Variants in SHISA6 observed in about 807,000 individuals in gnomAD.
SHISA6 encodes protein shisa-6.
A neutral mutation model predicts 47.9 loss-of-function variants in SHISA6; 22 were observed. The ratio of observed to expected loss-of-function variants is 0.46; its 90% CI spans 0.33 to 0.66. The LOEUF (loss-of-function observed/expected upper bound fraction) is 0.66, where lower values mean the gene tolerates loss of function less well. Among genes scored for constraint, SHISA6 ranks in the 30% least tolerant of loss-of-function variants. SHISA6 has a pLI of 0.02. For synonymous variants in SHISA6, 388 were observed against 337.8 expected (o/e 1.15, Z -1.63); for missense variants, 680 against 764.6 (o/e 0.89, Z 1.30).
In SHISA6 at chr17:11,400,999, C is replaced by A. The variant is rs79260068; in HGVS notation, c.895+21490C>A. 8.5e-3 allele frequency among the ~76,000 whole-genome samples: 1,289 copies of A among 152,220 alleles called. 2 individuals are homozygous for A. Among genetic ancestry groups the A allele is most frequent in the Non-Finnish European group, 0.014 (955 of 68,020 alleles). On this transcript the variant is annotated intron_variant, in intron 3 of 5. Coordinates refer to ENST00000441885, the MANE Select transcript of SHISA6 (RefSeq NM_207386.4). Reference sequence around the variant, plus strand: ...CTCCTAGTCTTTAAACTGTTTGTTGCTTTATAATGTTGTTTAGTTATTTTT... The same window carrying A: ...CTCCTAGTCTTTAAACTGTTTGTTGATTTATAATGTTGTTTAGTTATTTTT...
chr17:11,543,036 G>A (rs895761808), intron 3 of SHISA6, among the ~76,000 whole-genome samples: 1 of 152,122 alleles, frequency 6.6e-6, no homozygotes, highest in Non-Finnish European at 1.5e-5. Context: ...GATCTCATTA[G>A]AAGAAACAGT....
chr17:11,532,741 T>A (rs976966200), intron 3 of SHISA6, among the ~76,000 whole-genome samples: 9 of 8,568 alleles, frequency 1.1e-3, no homozygotes, highest in African/African-American at 1.9e-3. Flanking sequence ...TATCAGGGCT[T>A]TTTTTTTTTT....
chr17:11,241,641 G>T lies in SHISA6; in HGVS notation c.219G>T (p.Arg73=), dbSNP rs1342488224. 5 of 1,381,718 alleles carry T rather than the reference G, an allele frequency of 3.6e-6. No homozygotes were observed. The highest frequency in any genetic ancestry group is 1.5e-5 in the African/African-American group (1 of 65,516). The allele number at this position is 1,381,718 out of a possible 1,614,324, so 85.6% of individuals were successfully genotyped here. A position where few individuals can be genotyped will look rare whatever the true frequency, so the allele number is the denominator to read the frequency against. Residue 73 remains arginine, a synonymous_variant, in exon 1 of 6, where the codon CGG becomes CGT. Transcript: ENST00000441885. The surrounding 1 kb of genome is among the most constrained non-coding windows in gnomAD (Gnocchi z 5.5). ...CCGGAATCCCGGAGGCGGGAAGCCG[G>T]CGGGGGCAGCCCGCGGCGGCTGTGG... is the stretch of plus-strand genomic sequence containing the variant. The part of the protein sequence containing the change: ...RAPGIPEAGS[R]RGQPAAAVAA...
intron 2 of SHISA6, among the ~76,000 whole-genome samples, chr17:11,366,163 T>A (rs901910803): frequency 7.9e-5 from 12 of 152,226 alleles, no homozygotes; most frequent in African/African-American, 2.9e-4. Flanking sequence ...TATGTATATT[T>A]TTGAGACAAG....
Position 11,335,700 on chromosome 17 carries a change from C to T in SHISA6, c.800-43714C>T, listed in dbSNP as rs551004977. On this transcript the variant is annotated intron_variant, in intron 2 of 5. Coordinates refer to ENST00000441885, the MANE Select transcript of SHISA6 (RefSeq NM_207386.4). Reference sequence around the variant, plus strand: ...ATTTTCCCACGAATTATCAGGAGCCCGAGGTTCCAGCGAACATGGAGGAAA... The same window carrying T: ...ATTTTCCCACGAATTATCAGGAGCCTGAGGTTCCAGCGAACATGGAGGAAA... Among the ~76,000 whole-genome samples, 612 of 152,220 alleles carry T rather than the reference C, an allele frequency of 4.0e-3. 2 individuals carry two copies. Among genetic ancestry groups the T allele is most frequent in the Non-Finnish European group, 5.7e-3 (388 of 68,018 alleles).
chr17:11,252,313 C>T (rs995543430), intron 1 of SHISA6, among the ~76,000 whole-genome samples: 3 of 152,202 alleles, frequency 2.0e-5, no homozygotes, highest in African/African-American at 7.2e-5. Context: ...GTACTGTTCC[C>T]ATTAGCTTCG....
At chr17:11,432,600 A>AATAACTC (rs1305164153) in intron 3 of SHISA6, among the ~76,000 whole-genome samples, 3 of 152,216 alleles carry the variant, frequency 2.0e-5, no homozygotes, top group African/African-American at 7.2e-5. Flanking sequence ...GAGGACATAG[A>AATAACTC]ATAACTCATA....
intron 1 of SHISA6, among the ~76,000 whole-genome samples, chr17:11,252,421 A>G (rs1186962467): frequency 2.0e-5 from 3 of 152,056 alleles, no homozygotes; most frequent in Admixed American, 2.0e-4. Context: ...TTCCACCCAA[A>G]CAGCCACTTC....
intron 2 of SHISA6, among the ~76,000 whole-genome samples, chr17:11,316,416 TCTC>T (rs1366504577): frequency 2.0e-3 from 100 of 49,492 alleles, no homozygotes; most frequent in East Asian, 5.6e-3. Context: ...TCTCTCTCTC[TCTC>T]TTTTTTTTTT....
At chr17:11,469,130 A>T (rs1915879234) in intron 3 of SHISA6, among the ~76,000 whole-genome samples, 1 of 152,084 alleles carries the variant, frequency 6.6e-6, no homozygotes, top group African/African-American at 2.4e-5. Flanking sequence ...GTGGTAGCAA[A>T]ATAATGGCCC....
chr17:11,324,030 G>A (rs759901910), intron 2 of SHISA6, among the ~76,000 whole-genome samples: 4 of 152,078 alleles, frequency 2.6e-5, no homozygotes, highest in East Asian at 1.9e-4. Flanking sequence ...TGACATCTCA[G>A]CGTGCACACC....
chr17:11,490,071 G>C (rs1916436784), intron 3 of SHISA6, among the ~76,000 whole-genome samples: 1 of 152,142 alleles, frequency 6.6e-6, no homozygotes, highest in Non-Finnish European at 1.5e-5. Context: ...AGAAAGGTCA[G>C]AAATATACAG....
At chr17:11,256,740 T>A (rs1042456494) in intron 1 of SHISA6, among the ~76,000 whole-genome samples, 2 of 152,170 alleles carry the variant, frequency 1.3e-5, no homozygotes, top group African/African-American at 4.8e-5. Flanking sequence ...AAAGTCTGGG[T>A]TTGATATTGA....
chr17:11,473,471 G>A (rs889147353), intron 3 of SHISA6, among the ~76,000 whole-genome samples: 1 of 152,148 alleles, frequency 6.6e-6, no homozygotes, highest in Non-Finnish European at 1.5e-5. Flanking sequence ...TCACATGGCA[G>A]AAGAGTAGAA....
At chr17:11,368,353 C>A (rs1268158173) in intron 2 of SHISA6, among the ~76,000 whole-genome samples, 3 of 152,174 alleles carry the variant, frequency 2.0e-5, no homozygotes, top group Admixed American at 6.5e-5. Context: ...TTTTCCAAAG[C>A]ACATTCAGGA....
intron 2 of SHISA6, among the ~76,000 whole-genome samples, chr17:11,326,042 C>T (rs182145787): frequency 4.6e-5 from 7 of 152,246 alleles, no homozygotes; most frequent in East Asian, 1.9e-4. Flanking sequence ...AGGCCAAGGC[C>T]GGCGGATCAC....
intron 3 of SHISA6, among the ~76,000 whole-genome samples, chr17:11,513,314 G>A (rs555230771): frequency 6.6e-6 from 1 of 151,814 alleles, no homozygotes; most frequent in Non-Finnish European, 1.5e-5. Flanking sequence ...GGGGTGAAGT[G>A]GTATCTCATT....
chr17:11,434,627 C>T (rs867501111), intron 3 of SHISA6, among the ~76,000 whole-genome samples: 1 of 152,152 alleles, frequency 6.6e-6, no homozygotes, highest in Non-Finnish European at 1.5e-5. Flanking sequence ...TCCCTTGTGT[C>T]ACATTTAGAG....
chr17:11,325,729 C>T (rs1910860539), intron 2 of SHISA6, among the ~76,000 whole-genome samples: 1 of 151,208 alleles, frequency 6.6e-6, no homozygotes, highest in Admixed American at 6.6e-5. Context: ...TGTCAAGAGA[C>T]ATTGATTTGG....
Sources: gnomAD v4.1 joint callset for allele counts (sites outside exome capture counted in the v4.1 genomes callset) on GRCh38, gnomAD v4.1.1 for gene constraint, Gnocchi (gnomAD v3.1) non-coding constraint, MANE v1.5 for transcripts, NCBI Gene and HGNC (gene_info 2026-07-23, HGNC 2026-07-21) for gene names.